ADGRG2: variants seen among roughly 807,000 people sequenced by gnomAD.
ADGRG2 encodes the protein adhesion G protein-coupled receptor G2, also known as G protein-coupled receptor 64.
A neutral mutation model predicts 74.1 loss-of-function variants in ADGRG2; 26 were observed. The observed-to-expected ratio is 0.35, with a 90% CI of 0.26 to 0.49. The LOEUF is 0.49. Among genes scored for constraint, ADGRG2 ranks in the 20% least tolerant of loss-of-function variants. The pLI is 0.99. For missense variants in ADGRG2, 619 were observed against 763.1 expected (o/e 0.81, Z 2.22); for synonymous variants, 296 against 295.2 (o/e 1.00, Z -0.03).
chrX:19,027,705 T>C (rs1338278407), intron 10 of ADGRG2, among the ~76,000 whole-genome samples: 2 of 112,261 alleles, frequency 1.8e-5, no homozygotes, highest in Middle Eastern at 4.6e-3. Context: ...AATGAGCTCA[T>C]TGCCTGGCAC....
chrX:19,069,983 C>T (rs751406391), intron 2 of ADGRG2, among the ~76,000 whole-genome samples: 33 of 112,375 alleles, frequency 2.9e-4, no homozygotes, highest in Middle Eastern at 4.6e-3. Context: ...GTAACACATG[C>T]CCTCTGGGGC....
At chrX:19,033,832 G>A in intron 7 of ADGRG2, 178 bp from the exon 8 acceptor site, 1 of 340,736 alleles carries the variant, frequency 2.9e-6, no homozygotes, top group Non-Finnish European at 5.2e-6. Flanking sequence ...GGATCATGTA[G>A]CATTGGCACA....
intron 1 of ADGRG2, among the ~76,000 whole-genome samples, chrX:19,112,418 G>C (rs1411415688): frequency 9.0e-6 from 1 of 110,563 alleles, no homozygotes; most frequent in Non-Finnish European, 1.9e-5. Flanking sequence ...CCCACAGACT[G>C]TGGATTTGGA....
chrX:19,000,237 T>C (rs2060102368), intron 24 of ADGRG2, among the ~76,000 whole-genome samples: 1 of 111,728 alleles, frequency 9.0e-6, no homozygotes, highest in Non-Finnish European at 1.9e-5. Flanking sequence ...GACCTCGTGA[T>C]CTGCCCGCCT....
At chrX:19,100,959 A>C (rs933455344) in intron 1 of ADGRG2, among the ~76,000 whole-genome samples, 7 of 113,266 alleles carry the variant, frequency 6.2e-5, no homozygotes, top group Admixed American at 5.6e-4. Flanking sequence ...CAATTTTGTG[A>C]GTTGTGAACA....
chrX:19,008,271 G>T, intron 18 of ADGRG2, 148 bp from the exon 19 acceptor site: 1 of 423,912 alleles, frequency 2.4e-6, no homozygotes, highest in Non-Finnish European at 4.0e-6. Context: ...TTTTGCACCA[G>T]CCTAATAATT....
rs184823886 is a variant in ADGRG2, at chrX:19,037,617, A to G, written c.174T>C (p.Ser58=). The change falls in exon 5 of 29, where the codon AGT becomes AGC. Residue 58 remains serine, a synonymous_variant. Coordinates refer to ENST00000379869, the MANE Select transcript of ADGRG2 (RefSeq NM_001079858.3). The part of the protein sequence containing the change: ...SPPPAKLSVV[S]FAPSSNGTPE... Reference sequence around the variant, plus strand: ...GAGTACCATTGGAGGAGGGGGCAAAACTGACAACAGATAATTTAGCTGCAG... The same window carrying G: ...GAGTACCATTGGAGGAGGGGGCAAAGCTGACAACAGATAATTTAGCTGCAG... 1 of 1,151,272 alleles carries G rather than the reference A, an allele frequency of 8.7e-7. No individual in the cohort carries two copies. Among genetic ancestry groups the G allele is most frequent in the African/African-American group, 1.8e-5 (1 of 54,938 alleles). The allele number at this position is 1,151,272 out of a possible 1,213,427, so 94.9% of individuals were successfully genotyped here.
intron 3 of ADGRG2, among the ~76,000 whole-genome samples, chrX:19,060,199 G>A (rs1166548802): frequency 1.8e-5 from 2 of 112,421 alleles, no homozygotes; most frequent in Non-Finnish European, 3.8e-5. Context: ...TGAAGAGCAA[G>A]GCAAGGACAG....
At chrX:19,039,233 G>T (rs765366779) in intron 4 of ADGRG2, 35 of 329,453 alleles carry the variant, frequency 1.1e-4, no homozygotes, top group Non-Finnish European at 1.9e-4. Flanking sequence ...TCCAGAGAAT[G>T]TGTGAACACG....
chrX:19,084,046 T>C (rs1218238483), intron 1 of ADGRG2, among the ~76,000 whole-genome samples: 3 of 111,764 alleles, frequency 2.7e-5, no homozygotes, highest in African/African-American at 9.8e-5. Context: ...AGACATGGAA[T>C]CAACCTAAAT....
intron 3 of ADGRG2, among the ~76,000 whole-genome samples, chrX:19,047,827 A>G (rs1157487565): frequency 1.8e-5 from 2 of 112,016 alleles, no homozygotes; most frequent in African/African-American, 6.5e-5. Flanking sequence ...CGAGTTTACT[A>G]CATAACCCCC....
At chrX:18,997,869 A>G (rs1481817202) in intron 26 of ADGRG2, among the ~76,000 whole-genome samples, 2 of 112,553 alleles carry the variant, frequency 1.8e-5, no homozygotes, top group South Asian at 3.7e-4. Context: ...GGCATCCCCA[A>G]AAGAGGATTC....
intron 1 of ADGRG2, among the ~76,000 whole-genome samples, chrX:19,101,830 G>A (rs187323834): frequency 9.0e-6 from 1 of 110,987 alleles, no homozygotes; most frequent in African/African-American, 3.3e-5. Context: ...AATGGTACAG[G>A]TTCAAAGGGG....
At position 19,013,767 on chromosome X, in the gene ADGRG2, G is replaced by A; in HGVS notation, c.1018C>T (p.Pro340Ser). The change falls in exon 16 of 29, where the codon CCT becomes TCT. Residue 340 changes from proline (P) to serine (S), a missense_variant. Coordinates refer to ENST00000379869, the MANE Select transcript of ADGRG2 (RefSeq NM_001079858.3). ...GGAGAGGAAAATGAGGCTTTCACAG[G>A]AGGTGGGGTGCCGGAGACATGGGTT... Reference protein sequence around the residue: ...PQTHVSGTPPPVKASFSSPTV... With the variant: ...PQTHVSGTPPSVKASFSSPTV... 2 of 1,199,809 alleles carry A rather than the reference G, an allele frequency of 1.7e-6. No individual in the cohort carries two copies. Among genetic ancestry groups the A allele is most frequent in the Non-Finnish European group, 2.2e-6 (2 of 889,877 alleles).
intron 11 of ADGRG2, among the ~76,000 whole-genome samples, chrX:19,025,598 TA>T (rs370376540): frequency 0.021 from 2,191 of 106,733 alleles, 60 homozygotes; most frequent in African/African-American, 0.07. Context: ...ATTTGTGAGT[TA>T]AAAAAAAAAG....
intron 2 of ADGRG2, among the ~76,000 whole-genome samples, chrX:19,081,921 A>C (rs2061851895): frequency 9.2e-6 from 1 of 109,043 alleles, no homozygotes; most frequent in Non-Finnish European, 1.9e-5. Flanking sequence ...AAAAAATAAA[A>C]AATTAGCCAG....
At chrX:19,001,158 G>T (rs1406048547) in intron 24 of ADGRG2, among the ~76,000 whole-genome samples, 1 of 111,532 alleles carries the variant, frequency 9.0e-6, no homozygotes, top group African/African-American at 3.3e-5. Flanking sequence ...AAGGATGGAG[G>T]GTTCTGTCCT....
intron 1 of ADGRG2, among the ~76,000 whole-genome samples, chrX:19,101,376 A>G (rs1163225451): frequency 1.8e-5 from 2 of 111,778 alleles, no homozygotes; most frequent in Non-Finnish European, 3.8e-5. Context: ...GCTTAAGGAC[A>G]TATTCCTATG....
At chrX:19,078,348 G>T (rs1367407259) in intron 2 of ADGRG2, among the ~76,000 whole-genome samples, 1 of 111,252 alleles carries the variant, frequency 9.0e-6, no homozygotes, top group African/African-American at 3.3e-5. Context: ...CCAGGAGTTC[G>T]AGCCCAGCCT....
Sources: allele counts gnomAD v4.1 joint callset (sites outside exome capture counted in the v4.1 genomes callset), GRCh38; gene constraint gnomAD v4.1.1; transcripts MANE v1.5; gene names NCBI Gene and HGNC (gene_info 2026-07-23, HGNC 2026-07-21).